TNRC6A: variants seen among roughly 807,000 people sequenced by gnomAD.
TNRC6A encodes the protein trinucleotide repeat-containing gene 6A protein.
Under a neutral mutation model 221.2 loss-of-function variants are expected in TNRC6A, and 44 were observed. The observed-to-expected ratio is 0.20, with a 90% CI of 0.16 to 0.26. The LOEUF (loss-of-function observed/expected upper bound fraction) is 0.26. Ranked by LOEUF, TNRC6A falls within the 10% of genes least tolerant of loss-of-function variation. The pLI is 1.00. For synonymous variants in TNRC6A, 847 were observed against 838.5 expected (o/e 1.01, Z -0.18); for missense variants, 2,199 against 2,404.4 (o/e 0.91, Z 1.79).
chr16:24,788,939 C>G (rs1032304532), intron 5 of TNRC6A, among the ~76,000 whole-genome samples: 1 of 152,166 alleles, frequency 6.6e-6, no homozygotes, highest in Non-Finnish European at 1.5e-5. Flanking sequence ...TGAGCCACCA[C>G]GCCCGGCCCA....
intron 1 of TNRC6A, among the ~76,000 whole-genome samples, chr16:24,610,769 C>G (rs1324806116): frequency 6.6e-6 from 1 of 152,082 alleles, no homozygotes; most frequent in Non-Finnish European, 1.5e-5. Flanking sequence ...CCTAACCTCT[C>G]TCACCTCTCA....
intron 4 of TNRC6A, among the ~76,000 whole-genome samples, chr16:24,768,520 T>C (rs960183602): frequency 6.6e-6 from 1 of 152,202 alleles, no homozygotes; most frequent in African/African-American, 2.4e-5. Context: ...AATAACATTT[T>C]CTAACTGAAG....
chr16:24,771,882 A>G (rs1295984208), intron 4 of TNRC6A, among the ~76,000 whole-genome samples: 6 of 152,234 alleles, frequency 3.9e-5, no homozygotes, highest in African/African-American at 1.2e-4. Flanking sequence ...GGAAAACTAC[A>G]GTCTGCAAGT....
upstream of TNRC6A, among the ~76,000 whole-genome samples, chr16:24,727,413 A>G (rs1035887120): frequency 1.1e-4 from 16 of 152,310 alleles, no homozygotes; most frequent in African/African-American, 3.6e-4. Flanking sequence ...ATTTTGGTTC[A>G]GATACTCCCG....
chr16:24,814,410 T>TTTC (rs1567516686), intron 18 of TNRC6A, among the ~76,000 whole-genome samples: 1 of 122,794 alleles, frequency 8.1e-6, no homozygotes, highest in Non-Finnish European at 1.6e-5. Context: ...TTTTTTTTTC[T>TTTC]TTTTTTTTTT....
At chr16:24,653,504 G>A (rs750094849) in intron 2 of TNRC6A, among the ~76,000 whole-genome samples, 64 of 152,242 alleles carry the variant, frequency 4.2e-4, no homozygotes, top group African/African-American at 7.2e-4. Context: ...TGCCAGGCGC[G>A]GTGGCTCATG....
chr16:24,767,569 G>A (rs2057500180), intron 4 of TNRC6A, among the ~76,000 whole-genome samples: 1 of 152,016 alleles, frequency 6.6e-6, no homozygotes, highest in Non-Finnish European at 1.5e-5. Context: ...TAATTGCTAT[G>A]CTGAGAAAAC....
At chr16:24,628,478 C>T (rs1245480362) in intron 1 of TNRC6A, among the ~76,000 whole-genome samples, 2 of 152,028 alleles carry the variant, frequency 1.3e-5, no homozygotes, top group African/African-American at 4.8e-5. Flanking sequence ...CTTCTGTCTC[C>T]CTTTCTACCT....
intron 11 of TNRC6A, among the ~76,000 whole-genome samples, chr16:24,803,226 C>T (rs1011207604): frequency 6.6e-6 from 1 of 152,078 alleles, no homozygotes; most frequent in African/African-American, 2.4e-5. Context: ...TGAGACCAGC[C>T]TGGCCAACAT....
intron 4 of TNRC6A, among the ~76,000 whole-genome samples, chr16:24,771,782 A>G (rs2057616935): frequency 6.6e-6 from 1 of 151,566 alleles, no homozygotes; most frequent in African/African-American, 2.4e-5. Flanking sequence ...ATCTTGGGAG[A>G]CCCTTTCAGA....
intron 2 of TNRC6A, among the ~76,000 whole-genome samples, chr16:24,742,596 C>T (rs1374202731): frequency 6.6e-6 from 1 of 152,054 alleles, no homozygotes; most frequent in Non-Finnish European, 1.5e-5. Flanking sequence ...AGTAATTAGT[C>T]CTATTTGGAA....
chr16:24,754,545 A>T (rs2057207829), intron 3 of TNRC6A, among the ~76,000 whole-genome samples: 1 of 152,272 alleles, frequency 6.6e-6, no homozygotes, highest in Non-Finnish European at 1.5e-5. Flanking sequence ...CAGAGCATGG[A>T]AATGTAGTTT....
intron 4 of TNRC6A, among the ~76,000 whole-genome samples, chr16:24,762,384 A>G (rs1490331552): frequency 2.0e-5 from 3 of 152,230 alleles, no homozygotes. Flanking sequence ...GCTGACTTAG[A>G]GCACCTTCTA....
intron 1 of TNRC6A, among the ~76,000 whole-genome samples, chr16:24,624,748 T>C (rs1472476542): frequency 1.3e-5 from 2 of 152,148 alleles, no homozygotes; most frequent in African/African-American, 2.4e-5. Context: ...CCTCCCAAAG[T>C]GCTGGGATTA....
chr16:24,638,538 C>A (rs994719444), intron 1 of TNRC6A, among the ~76,000 whole-genome samples: 2 of 152,078 alleles, frequency 1.3e-5, no homozygotes, highest in Non-Finnish European at 2.9e-5. Flanking sequence ...CATGGTGAAA[C>A]CCTGTCTTTA....
intron 2 of TNRC6A, among the ~76,000 whole-genome samples, chr16:24,649,144 C>T (rs544068208): frequency 6.6e-6 from 1 of 152,024 alleles, no homozygotes; most frequent in African/African-American, 2.4e-5. Flanking sequence ...CCTACTCTGC[C>T]TCAAAATAAA....
intron 2 of TNRC6A, among the ~76,000 whole-genome samples, chr16:24,697,066 A>G (rs1055332146): frequency 1.1e-4 from 16 of 152,174 alleles, no homozygotes; most frequent in African/African-American, 2.9e-4. Context: ...TATTTTCAGA[A>G]AGCTAGGAGG....
intron 2 of TNRC6A, among the ~76,000 whole-genome samples, chr16:24,644,104 T>G (rs892388591): frequency 4.1e-5 from 6 of 146,176 alleles, no homozygotes; most frequent in African/African-American, 1.5e-4. Context: ...TTTTTTTTTT[T>G]GAGACAGAGT....
At chr16:24,749,497 G>A (rs1376929549) in intron 2 of TNRC6A, among the ~76,000 whole-genome samples, 1 of 152,176 alleles carries the variant, frequency 6.6e-6, no homozygotes, top group African/African-American at 2.4e-5. Flanking sequence ...TGGGAAGTGG[G>A]TGGGGTTGAG....
Sources: allele counts gnomAD v4.1 joint callset (sites outside exome capture counted in the v4.1 genomes callset), GRCh38; gene constraint gnomAD v4.1.1; transcripts MANE v1.5; gene names NCBI Gene and HGNC (gene_info 2026-07-23, HGNC 2026-07-21).